Variants in CACNA2D3 observed in about 807,000 individuals in gnomAD.
CACNA2D3 encodes the protein voltage-dependent calcium channel subunit alpha-2/delta-3.
A neutral mutation model predicts 160.6 loss-of-function variants in CACNA2D3; 60 were observed. That is an observed-to-expected ratio of 0.37 (90% CI 0.30 to 0.46). The LOEUF (loss-of-function observed/expected upper bound fraction) is 0.46, where lower values mean the gene tolerates loss of function less well. Among genes scored for constraint, CACNA2D3 ranks in the 20% least tolerant of loss-of-function variants. CACNA2D3 has a pLI of 1.00. For synonymous variants in CACNA2D3, 558 were observed against 492.9 expected, an observed-to-expected ratio of 1.13 and a Z score of -1.75; for missense variants, 1,205 against 1,365.0, an observed-to-expected ratio of 0.88 and a Z score of 1.85.
chr3:54,335,115 A>C (rs967048552), intron 3 of CACNA2D3, among the ~76,000 whole-genome samples: 2 of 152,202 alleles, frequency 1.3e-5, no homozygotes, highest in Non-Finnish European at 2.9e-5. Flanking sequence ...ATATAATCAT[A>C]CAGAAAGTAT....
chr3:54,632,536 T>A (rs1368928154), intron 10 of CACNA2D3: 1 of 152,344 alleles, frequency 6.6e-6, no homozygotes, highest in East Asian at 1.9e-4. Context: ...GGCTGTTTTT[T>A]CTTCTGCAGT....
chr3:54,716,181 C>T (rs1428978688), intron 11 of CACNA2D3, among the ~76,000 whole-genome samples: 4 of 152,078 alleles, frequency 2.6e-5, no homozygotes, highest in Non-Finnish European at 4.4e-5. Flanking sequence ...TTCCCATGTA[C>T]GCTTCCCCAG....
At chr3:54,962,685 C>T (rs1702059983) in intron 27 of CACNA2D3, among the ~76,000 whole-genome samples, 1 of 152,182 alleles carries the variant, frequency 6.6e-6, no homozygotes, top group Non-Finnish European at 1.5e-5. Context: ...CGCAGCAAAA[C>T]AACTCCTGAT....
chr3:54,433,597 G>T (rs990539746), intron 4 of CACNA2D3, among the ~76,000 whole-genome samples: 1 of 152,160 alleles, frequency 6.6e-6, no homozygotes, highest in Non-Finnish European at 1.5e-5. Context: ...AAAACATTTA[G>T]ATATCACATA....
chr3:54,863,451 G>A lies in CACNA2D3; in HGVS notation c.1627-8088G>A, dbSNP rs116354302. Among the ~76,000 whole-genome samples, 405 of 152,172 alleles carry A rather than the reference G, an allele frequency of 2.7e-3. 1 individual carries two copies. Among genetic ancestry groups the A allele is most frequent in the African/African-American group, 8.8e-3 (365 of 41,496 alleles). On this transcript the variant is annotated intron_variant, in intron 17 of 37. Coordinates refer to ENST00000474759, the MANE Select transcript of CACNA2D3 (RefSeq NM_018398.3). ...GTGTCCTGTTCTCTGTCCCATTGCC[G>A]GCACGAAAGGTTCCTCCCAGCTCAA... is the stretch of plus-strand genomic sequence containing the variant.
Position 54,885,342 on chromosome 3 carries a change from TC to T in CACNA2D3, c.1958+19del, listed in dbSNP as rs1164693432. On this transcript the variant is annotated intron_variant, in intron 22 of 37. Transcript: ENST00000474759. ...CAGATGAATGGTAAGAATTAAACCA[TC>T]CCTCCTTGACCATGGCATCCTTCAT... The T allele has an allele frequency of 1.9e-6, 3 of 1,613,804 alleles. No homozygotes were observed. The South Asian group carries it at 3.3e-5, about 18-fold the overall frequency.
intron 3 of CACNA2D3, among the ~76,000 whole-genome samples, chr3:54,377,837 A>G (rs1699036468): frequency 6.6e-6 from 1 of 152,236 alleles, no homozygotes; most frequent in African/African-American, 2.4e-5. Context: ...GGTTCTCAAC[A>G]AGTACTTGCT....
At chr3:54,179,969 C>T (rs986312784) in intron 2 of CACNA2D3, among the ~76,000 whole-genome samples, 6 of 152,100 alleles carry the variant, frequency 3.9e-5, no homozygotes, top group Admixed American at 1.3e-4. Flanking sequence ...GTGGCCGGGG[C>T]TATCAGTATG....
intron 11 of CACNA2D3, among the ~76,000 whole-genome samples, chr3:54,651,155 A>C (rs1699756636): frequency 6.6e-6 from 1 of 152,164 alleles, no homozygotes; most frequent in African/African-American, 2.4e-5. Context: ...TCCACACTCT[A>C]TACATTGTCA....
chr3:54,705,141 A>T (rs1040127561), intron 11 of CACNA2D3, among the ~76,000 whole-genome samples: 1 of 152,206 alleles, frequency 6.6e-6, no homozygotes, highest in Non-Finnish European at 1.5e-5. Context: ...AAATATTTCA[A>T]ATGTACTGAA....
intron 29 of CACNA2D3, among the ~76,000 whole-genome samples, chr3:54,978,757 T>C (rs1702445327): frequency 6.6e-6 from 1 of 152,252 alleles, no homozygotes; most frequent in African/African-American, 2.4e-5. Context: ...CCCATCCCTG[T>C]TGTTTCTTCT....
chr3:54,313,495 C>G (rs925125942), intron 2 of CACNA2D3, among the ~76,000 whole-genome samples: 1 of 152,040 alleles, frequency 6.6e-6, no homozygotes, highest in Non-Finnish European at 1.5e-5. Context: ...TGCCTGTCCC[C>G]GCAGCCCCAC....
At chr3:54,529,194 A>G (rs188006124) in intron 5 of CACNA2D3, among the ~76,000 whole-genome samples, 1 of 152,284 alleles carries the variant, frequency 6.6e-6, no homozygotes, top group Non-Finnish European at 1.5e-5. Flanking sequence ...TCATTTATAG[A>G]TGTCCTTCTA....
intron 10 of CACNA2D3, chr3:54,639,159 C>T (rs1699448679): frequency 1.3e-5 from 2 of 151,700 alleles, no homozygotes; most frequent in Admixed American, 1.3e-4. Flanking sequence ...TTGGGGGGTT[C>T]TTGCCCCCTA....
At chr3:54,993,885 AGTGTGTGTGTGTGTGT>A (rs34012508) in intron 31 of CACNA2D3, among the ~76,000 whole-genome samples, 7 of 111,508 alleles carry the variant, frequency 6.3e-5, no homozygotes, top group Admixed American at 9.9e-5. Flanking sequence ...TGCAACTGCT[AGTGTGTGTGTGTGTGT>A]GTGTGTGTGT....
At chr3:54,209,282 A>C (rs144513854) in intron 2 of CACNA2D3, among the ~76,000 whole-genome samples, 1 of 152,258 alleles carries the variant, frequency 6.6e-6, no homozygotes, top group African/African-American at 2.4e-5. Flanking sequence ...CAAGATTGGG[A>C]GGTCATTTGT....
chr3:54,563,935 C>T (rs1179017371), intron 6 of CACNA2D3, among the ~76,000 whole-genome samples: 1 of 152,156 alleles, frequency 6.6e-6, no homozygotes, highest in Non-Finnish European at 1.5e-5. Context: ...GAGTCATGTT[C>T]AGCATGGCAC....
At chr3:54,149,504 T>A (rs1457857220) in intron 2 of CACNA2D3, among the ~76,000 whole-genome samples, 1 of 151,840 alleles carries the variant, frequency 6.6e-6, no homozygotes, top group African/African-American at 2.4e-5. Context: ...GTATTCGGAG[T>A]GAGGCGTAGA....
At chr3:54,123,159 T>TG (rs879481202) in intron 1 of CACNA2D3, among the ~76,000 whole-genome samples, 1,623 of 122,284 alleles carry the variant, frequency 0.013, 19 homozygotes, top group Non-Finnish European at 0.022. Flanking sequence ...ACTTCTTTTT[T>TG]TGGGGGGGGG....
Sources: gnomAD v4.1 joint callset for allele counts (sites outside exome capture counted in the v4.1 genomes callset) on GRCh38, gnomAD v4.1.1 for gene constraint, MANE v1.5 for transcripts, NCBI Gene and HGNC (gene_info 2026-07-23, HGNC 2026-07-21) for gene names.